LAX1: variants seen among roughly 807,000 people sequenced by gnomAD.
The protein encoded by LAX1 is lymphocyte transmembrane adaptor 1.
Under a neutral mutation model 20.7 loss-of-function variants are expected in LAX1, and 17 were observed. The ratio of observed to expected loss-of-function variants is 0.82; its 90% CI spans 0.56 to 1.23. The LOEUF (loss-of-function observed/expected upper bound fraction) is 1.23, where lower values mean the gene tolerates loss of function less well. LAX1 is among the 50% of genes most tolerant of loss of function. LAX1 has a pLI of 0.00. For missense variants in LAX1, 470 were observed against 487.0 expected (o/e 0.97, Z 0.33); for synonymous variants, 165 against 181.0 (o/e 0.91, Z 0.71).
In LAX1 at chr1:203,771,367, G is replaced by A; in HGVS notation, c.200G>A (p.Arg67Gln). The change falls in exon 3 of 5, where the codon CGA (arginine) becomes CAA (glutamine). Residue 67 changes from arginine to glutamine, a missense_variant and splice_region_variant. Physicochemically the swap from Arg to Gln is conservative, Grantham distance 43 (BLOSUM62 1). Coordinates refer to ENST00000442561, the MANE Select transcript of LAX1 (RefSeq NM_017773.4). ...TCCCATCTCTCTCATTGCCTTGCAG[G>A]ACAAGTTCCTTACCTCCGAGTTACC... ...ILWNWNKRKK[R>Q]QVPYLRVTVM... The A allele has an allele frequency of 6.2e-7, 1 of 1,604,976 alleles. No individual in the cohort carries two copies.
At chr1:203,772,726 T>A (rs1667442381) in intron 4 of LAX1, among the ~76,000 whole-genome samples, 1 of 37,550 alleles carries the variant, frequency 2.7e-5, no homozygotes, top group Admixed American at 2.7e-4. Flanking sequence ...GTGCCCAGCA[T>A]TTTTTTTTTT....
At chr1:203,773,460 CA>C (rs1411444376) in intron 4 of LAX1, among the ~76,000 whole-genome samples, 1 of 151,864 alleles carries the variant, frequency 6.6e-6, no homozygotes, top group Non-Finnish European at 1.5e-5. Flanking sequence ...TTCTCAAAAA[CA>C]AAAATAAAAA....
In LAX1 at chr1:203,767,303, C is replaced by CTTT. The variant is rs755164305; in HGVS notation, c.89+1668_89+1670dup. Among the ~76,000 whole-genome samples, 138 of 90,412 alleles carry CTTT rather than the reference C, an allele frequency of 1.5e-3. 4 individuals carry two copies. The highest frequency in any genetic ancestry group is 3.2e-3 in the East Asian group (4 of 1,250). The allele number at this position is 90,412 out of a possible 152,430, so 59.3% of individuals were successfully genotyped here. On this transcript the variant is annotated intron_variant, in intron 1 of 4. Coordinates refer to ENST00000442561, the MANE Select transcript of LAX1 (RefSeq NM_017773.4). ...GTAACCACCATTCTACTCTCCACTT[C>CTTT]TTTTTTTTTTTTTTTTTTTTTGAGA...
In LAX1 at chr1:203,770,484, AG is replaced by A. The variant is rs1399616369; in HGVS notation, c.90-342del. On this transcript the variant is annotated intron_variant, in intron 1 of 4. Coordinates refer to ENST00000442561, the MANE Select transcript of LAX1 (RefSeq NM_017773.4). ...AAGGAAGGAAGGAAGGAAGGAAGGA[AG>A]GAAGGAAGGAAGGAAGGAAGGAAGG... 1.9e-3 allele frequency among the ~76,000 whole-genome samples: 147 copies of A among 78,444 alleles called. 3 individuals are homozygous for A. The East Asian group carries it at 0.028, about 15-fold the overall frequency. The allele number at this position is 78,444 out of a possible 152,430, so 51.5% of individuals were successfully genotyped here. A position where few individuals can be genotyped will look rare whatever the true frequency, so the allele number is the denominator to read the frequency against.
Position 203,769,455 on chromosome 1 carries a change from A to AAGG in LAX1, c.90-1372_90-1371insGGA, listed in dbSNP as rs1191127943. 2.0e-4 allele frequency among the ~76,000 whole-genome samples: 13 copies of AAGG among 66,470 alleles called. 1 individual carries two copies. Among genetic ancestry groups the AAGG allele is most frequent in the African/African-American group, 5.5e-4 (12 of 21,664 alleles). 43.6% of individuals were successfully genotyped at this position (66,470 alleles called of 152,430 possible). A position where few individuals can be genotyped will look rare whatever the true frequency, so the allele number is the denominator to read the frequency against. Reference sequence around the variant, plus strand: ...AAAGAAAGAAAGAAGGAAAGAAAGAAAAGAAAAGAAAGAAAGTTGTATAAA... The same window carrying AAGG: ...AAAGAAAGAAAGAAGGAAAGAAAGAAAGGAAGAAAAGAAAGAAAGTTGTATAAA... On this transcript the variant is annotated intron_variant, in intron 1 of 4. Coordinates refer to ENST00000442561, the MANE Select transcript of LAX1 (RefSeq NM_017773.4).
chr1:203,769,543 G>A (rs970450055), intron 1 of LAX1: 2 of 152,062 alleles, frequency 1.3e-5, no homozygotes, highest in Admixed American at 1.3e-4. Flanking sequence ...CTAATAATTG[G>A]GGGTAGCACG....
In LAX1 at chr1:203,765,495, T is replaced by C. The variant is rs931723857; in HGVS notation, c.-71T>C. The C allele has an allele frequency of 1.0e-5, 16 of 1,599,708 alleles. No individual in the cohort carries two copies. The highest frequency in any genetic ancestry group is 3.3e-4 in the Middle Eastern group (2 of 6,064). The stretch of plus-strand genomic sequence containing the variant: ...GGGTGGGGAGAAGTGGTAGACATGC[T>C]GGCTAACTGATTATGATTAAGAGAA... On this transcript the variant is annotated 5_prime_UTR_variant, in exon 1 of 5. Coordinates refer to ENST00000442561, the MANE Select transcript of LAX1 (RefSeq NM_017773.4).
intron 4 of LAX1, 66 bp from the exon 5 acceptor site, chr1:203,773,809 A>C: frequency 1.2e-6 from 1 of 810,706 alleles, no homozygotes; most frequent in Non-Finnish European, 1.8e-6. Flanking sequence ...GGTATTTTCC[A>C]AGAAGAAAGG....
chr1:203,773,780 T>TCAAA, intron 4 of LAX1, 95 bp from the exon 5 acceptor site: 1 of 210,704 alleles, frequency 4.7e-6, no homozygotes, highest in East Asian at 9.4e-5. Flanking sequence ...TTTTTTTTTT[T>TCAAA]TTTTCAGAAT....
At chr1:203,767,904 C>T (rs2102263477) in intron 1 of LAX1, among the ~76,000 whole-genome samples, 2 of 152,032 alleles carry the variant, frequency 1.3e-5, no homozygotes, top group Middle Eastern at 6.8e-3. Context: ...GCAGGAGGAT[C>T]AATTGAGCCC....
intron 1 of LAX1, among the ~76,000 whole-genome samples, chr1:203,769,454 A>AAAGAAAGAAAGAAAGAAAGAAAGG (rs759242546): frequency 2.8e-5 from 3 of 106,410 alleles, no homozygotes; most frequent in African/African-American, 9.7e-5. Context: ...GGAAAGAAAG[A>AAAGAAAGAAAGAAAGAAAGAAAGG]AAAGAAAAGA....
chr1:203,774,300 A>T lies in LAX1; in HGVS notation c.816A>T (p.Thr272=). Residue 272 remains threonine, a synonymous_variant, in exon 5 of 5, where the codon ACA becomes ACT. Coordinates refer to ENST00000442561, the MANE Select transcript of LAX1 (RefSeq NM_017773.4). The part of the protein sequence containing the change: ...SQISNDYVNM[T]GLDLSAIQER... The stretch of plus-strand genomic sequence containing the variant: ...TCTCAAATGACTATGTCAACATGAC[A>T]GGGTTGGATCTCAGTGCCATCCAGG... 1 of 1,614,208 alleles carries T rather than the reference A, an allele frequency of 6.2e-7. No homozygotes were observed. Among genetic ancestry groups the T allele is most frequent in the Non-Finnish European group, 8.5e-7 (1 of 1,180,032 alleles).
At chr1:203,765,889 C>T (rs1158379021) in intron 1 of LAX1, among the ~76,000 whole-genome samples, 2 of 152,010 alleles carry the variant, frequency 1.3e-5, no homozygotes, top group Non-Finnish European at 2.9e-5. Context: ...ATAACACTGG[C>T]CCTTAAAGCT....
At chr1:203,770,506 GAAGGAAGAAAGA>G (rs1667397553) in intron 1 of LAX1, among the ~76,000 whole-genome samples, 26 of 24,096 alleles carry the variant, frequency 1.1e-3, no homozygotes, top group African/African-American at 1.6e-3. Context: ...AGGAAGGAAG[GAAGGAAGAAAGA>G]AAGAAAGAAA....
At position 203,772,155 on chromosome 1, in the gene LAX1, T is replaced by A. The variant is rs1420906696; in HGVS notation, c.390+8T>A. 1 of 1,604,554 alleles carries A rather than the reference T, an allele frequency of 6.2e-7. No homozygotes were observed. Among genetic ancestry groups the A allele is most frequent in the Admixed American group, 1.7e-5 (1 of 59,974 alleles). ...GAGAGCCCGGAGCATGTGGTAAGAG[T>A]CAAGCTTCTTGGGAGAATGACATGT... On this transcript the variant is annotated splice_region_variant and intron_variant, in intron 4 of 4. Coordinates refer to ENST00000442561, the MANE Select transcript of LAX1 (RefSeq NM_017773.4).
At position 203,770,872 on chromosome 1, in the gene LAX1, T is replaced by A; in HGVS notation, c.134T>A (p.Leu45His). ...AACATCTTTTCCGGGTTTGCGGGAC[T>A]CCTCGCCATCCTCCTGGTCGTTGCG... ...ITNIFSGFAG[L>H]LAILLVVAVF... The change falls in exon 2 of 5, where the codon CTC (leucine) becomes CAC (histidine). Residue 45 changes from leucine (L) to histidine (H), a missense_variant. By Grantham distance (99) the Leu-to-His change is moderately conservative. Transcript: ENST00000442561. 1 of 1,614,218 alleles carries A rather than the reference T, an allele frequency of 6.2e-7. No individual in the cohort carries two copies. Among genetic ancestry groups the A allele is most frequent in the Non-Finnish European group, 8.5e-7 (1 of 1,180,024 alleles).
Position 203,774,440 on chromosome 1 carries a change from G to A in LAX1, c.956G>A (p.Gly319Asp). ...AEKDVPSSNI[G>D]HVEDKTDDPG... ...AAAGATGTGCCATCCTCAAACATAG[G>A]TCATGTCGAGGACAAGACAGATGAT... The change falls in exon 5 of 5, where the codon GGT becomes GAT. Residue 319 changes from glycine (G) to aspartate (D), a missense_variant. Transcript: ENST00000442561. The A allele has an allele frequency of 6.2e-7, 1 of 1,614,176 alleles. No homozygotes were observed. Among genetic ancestry groups the A allele is most frequent in the Non-Finnish European group, 8.5e-7 (1 of 1,180,042 alleles).
In LAX1 at chr1:203,771,392, CG is replaced by C. The variant is rs1667418928; in HGVS notation, c.226del (p.Val76SerfsTer5). 1 of 1,613,282 alleles carries C rather than the reference CG, an allele frequency of 6.2e-7. No homozygotes were observed. The highest frequency in any genetic ancestry group is 1.3e-5 in the African/African-American group (1 of 74,906). On this transcript the variant is annotated frameshift_variant, in exon 3 of 5. Transcript: ENST00000442561. LOFTEE classifies it high-confidence loss of function. ...GACAAGTTCCTTACCTCCGAGTTAC[CG>C]TCATGCCCTTGCTGACTTTGCCACA... ...KRQVPYLRVTVMPLLTLPQTR... is the reference protein window; with the variant it reads ...KRQVPYLRVTXMPLLTLPQTR...
At chr1:203,767,410 C>G (rs369657363) in intron 1 of LAX1, among the ~76,000 whole-genome samples, 1 of 147,784 alleles carries the variant, frequency 6.8e-6, no homozygotes, top group African/African-American at 2.5e-5. Context: ...CAGGTTCAAG[C>G]GATTCTCCTG....
Sources: gnomAD v4.1 joint callset for allele counts (sites outside exome capture counted in the v4.1 genomes callset) on GRCh38, gnomAD v4.1.1 for gene constraint, MANE v1.5 for transcripts, NCBI Gene and HGNC (gene_info 2026-07-23, HGNC 2026-07-21) for gene names.